The following MANEA variants were observed in gnomAD, a reference collection of about 807,000 sequenced individuals.
The protein encoded by MANEA is glycoprotein endo-alpha-1,2-mannosidase.
A neutral mutation model predicts 36.8 loss-of-function variants in MANEA; 25 were observed. That is an observed-to-expected ratio of 0.68 (90% CI 0.50 to 0.95). The LOEUF (loss-of-function observed/expected upper bound fraction) is 0.95, where lower values mean the gene tolerates loss of function less well. MANEA is among the 40% of genes least tolerant of loss of function. MANEA has a pLI of 0.00. For synonymous variants in MANEA, 198 were observed against 188.5 expected, an observed-to-expected ratio of 1.05 and a Z score of -0.41; for missense variants, 565 against 558.8, an observed-to-expected ratio of 1.01 and a Z score of -0.11.
intron 1 of MANEA, among the ~76,000 whole-genome samples, chr6:95,581,803 C>T (rs1769188572): frequency 6.6e-6 from 1 of 152,046 alleles, no homozygotes; most frequent in African/African-American, 2.4e-5. Context: ...AGTTATTTCT[C>T]CTTTCTCTGT....
At chr6:95,582,725 T>C (rs1769205640) in intron 1 of MANEA, among the ~76,000 whole-genome samples, 1 of 152,226 alleles carries the variant, frequency 6.6e-6, no homozygotes, top group Admixed American at 6.5e-5. Context: ...TGCTTACCAT[T>C]ATACACAAAC....
chr6:95,597,876 G>GA (rs1769509676), intron 3 of MANEA, among the ~76,000 whole-genome samples: 1 of 151,446 alleles, frequency 6.6e-6, no homozygotes, highest in Admixed American at 6.6e-5. Context: ...CACTTTTGGG[G>GA]AAAAAACAAT....
intron 3 of MANEA, among the ~76,000 whole-genome samples, chr6:95,600,160 C>T (rs949048008): frequency 4.6e-5 from 7 of 152,010 alleles, no homozygotes; most frequent in African/African-American, 1.7e-4. Flanking sequence ...GCAAAGAGCT[C>T]GACCACTAAT....
intron 1 of MANEA, among the ~76,000 whole-genome samples, chr6:95,585,055 C>A (rs1365996084): frequency 6.6e-6 from 1 of 151,976 alleles, no homozygotes; most frequent in East Asian, 1.9e-4. Context: ...GTGCCAAATA[C>A]CTTTCTAATA....
At chr6:95,597,141 A>G (rs1428428112) in intron 3 of MANEA, among the ~76,000 whole-genome samples, 2 of 152,044 alleles carry the variant, frequency 1.3e-5, no homozygotes. Context: ...AATATCTTAG[A>G]TGTCAAAAAT....
At chr6:95,605,003 A>C (rs1454852815) in intron 4 of MANEA, 100 bp downstream of exon 4, 3 of 429,752 alleles carry the variant, frequency 7.0e-6, no homozygotes, top group Non-Finnish European at 1.2e-5. Context: ...TGAATGATTT[A>C]TGATTATTCC....
intron 3 of MANEA, among the ~76,000 whole-genome samples, chr6:95,601,900 G>T (rs897670443): frequency 6.6e-6 from 1 of 151,594 alleles, no homozygotes; most frequent in African/African-American, 2.4e-5. Flanking sequence ...TTATTTCTTT[G>T]CATATGGCTC....
chr6:95,608,896 A>T lies in MANEA; in HGVS notation c.*2491A>T, dbSNP rs910898753. On this transcript the variant is annotated 3_prime_UTR_variant, in exon 5 of 5. Transcript: ENST00000358812. ...TACTGGTTAGTGAATAATTACATGA[A>T]AAAAAAGAGTCTGTACATCTTCAGA... is the stretch of plus-strand genomic sequence containing the variant. The T allele has an allele frequency of 5.1e-5, 7 of 136,848 alleles. No individual in the cohort carries two copies. The highest frequency in any genetic ancestry group is 1.9e-4 in the African/African-American group (7 of 35,984). 8.5% of individuals were successfully genotyped at this position (136,848 alleles called of 1,614,324 possible).
At chr6:95,589,954 C>T (rs569027233) in intron 2 of MANEA, 1 of 152,128 alleles carries the variant, frequency 6.6e-6, no homozygotes, top group Non-Finnish European at 1.5e-5. Context: ...AAAAGAGAGT[C>T]AGAGGGATGC....
chr6:95,592,202 A>C (rs1769397175), intron 2 of MANEA, among the ~76,000 whole-genome samples: 1 of 152,176 alleles, frequency 6.6e-6, no homozygotes, highest in African/African-American at 2.4e-5. Context: ...TCTGTTAATG[A>C]GCCTATTAAA....
chr6:95,604,840 T>C lies in MANEA; in HGVS notation c.668T>C (p.Ile223Thr), dbSNP rs560026341. ...TGTTTGTTTTAGGTTACTTTTCACA[T>C]AGAACCATATAGCAATCGAGATGAT... is the stretch of plus-strand genomic sequence containing the variant. The part of the protein sequence containing the change: ...HKYNLKVTFH[I>T]EPYSNRDDQN... The change falls in exon 4 of 5, where the codon ATA (isoleucine) becomes ACA (threonine). Residue 223 changes from isoleucine (I) to threonine (T), a missense_variant. Ile to Thr is a moderately conservative substitution (Grantham distance 89). Coordinates refer to ENST00000358812, the MANE Select transcript of MANEA (RefSeq NM_024641.4). 2.7e-6 allele frequency: 4 copies of C among 1,461,298 alleles called. No homozygotes were observed. Among genetic ancestry groups the C allele is most frequent in the Non-Finnish European group, 3.7e-6 (4 of 1,080,982 alleles). The allele number at this position is 1,461,298 out of a possible 1,614,324, so 90.5% of individuals were successfully genotyped here. A position where few individuals can be genotyped will look rare whatever the true frequency, so the allele number is the denominator to read the frequency against.
At chr6:95,581,751 A>G (rs1419961160) in intron 1 of MANEA, among the ~76,000 whole-genome samples, 1 of 152,188 alleles carries the variant, frequency 6.6e-6, no homozygotes, top group Non-Finnish European at 1.5e-5. Context: ...AGCTGAAGTC[A>G]ACGTTTCAAA....
At chr6:95,604,036 GTA>G (rs1231574891) in intron 3 of MANEA, among the ~76,000 whole-genome samples, 1 of 133,276 alleles carries the variant, frequency 7.5e-6, no homozygotes, top group Non-Finnish European at 1.6e-5. Context: ...TATAATGTAT[GTA>G]TGTGTGCGTA....
intron 2 of MANEA, among the ~76,000 whole-genome samples, chr6:95,594,991 G>T (rs1769458337): frequency 6.6e-6 from 1 of 152,048 alleles, no homozygotes; most frequent in South Asian, 2.1e-4. Context: ...TATTTTCATG[G>T]AGAGTGCTTG....
At chr6:95,578,008 A>T (rs1769102870) in intron 1 of MANEA, among the ~76,000 whole-genome samples, 1 of 152,082 alleles carries the variant, frequency 6.6e-6, no homozygotes, top group Non-Finnish European at 1.5e-5. Context: ...GGTCGGATGG[A>T]AGCCTTTTTC....
intron 2 of MANEA, among the ~76,000 whole-genome samples, chr6:95,590,648 GTTATAT>G: frequency 6.6e-6 from 1 of 152,142 alleles, no homozygotes. Flanking sequence ...AAGTTTAAAG[GTTATAT>G]TTATAACTGT....
At chr6:95,598,312 G>T (rs979606645) in intron 3 of MANEA, among the ~76,000 whole-genome samples, 7 of 152,162 alleles carry the variant, frequency 4.6e-5, no homozygotes, top group African/African-American at 1.4e-4. Flanking sequence ...CAAGCATCTG[G>T]AAGTGGCTTA....
intron 1 of MANEA, among the ~76,000 whole-genome samples, chr6:95,583,440 TAC>T (rs1769220687): frequency 6.6e-6 from 1 of 152,198 alleles, no homozygotes; most frequent in South Asian, 2.1e-4. Flanking sequence ...CATATGCACA[TAC>T]ACACGTTTAT....
intron 1 of MANEA, among the ~76,000 whole-genome samples, chr6:95,580,708 G>T (rs566733696): frequency 2.9e-5 from 4 of 138,646 alleles, no homozygotes; most frequent in East Asian, 4.3e-4. Flanking sequence ...CTGGGCAACA[G>T]AGTGAGACGC....
Sources: gnomAD v4.1 joint callset for allele counts (sites outside exome capture counted in the v4.1 genomes callset) on GRCh38, gnomAD v4.1.1 for gene constraint, MANE v1.5 for transcripts, NCBI Gene and HGNC (gene_info 2026-07-23, HGNC 2026-07-21) for gene names.